PAICS: variants seen among roughly 807,000 people sequenced by gnomAD.
PAICS encodes phosphoribosylaminoimidazole carboxylase and phosphoribosylaminoimidazolesuccinocarboxamide synthase.
A neutral mutation model predicts 53.7 loss-of-function variants in PAICS; 33 were observed. The ratio of observed to expected loss-of-function variants is 0.61; its 90% confidence interval spans 0.47 to 0.82. The LOEUF is 0.82. PAICS is among the 40% of genes least tolerant of loss of function. PAICS has a pLI of 0.00. For missense variants in PAICS, 394 were observed against 494.1 expected (o/e 0.80, Z 1.92); for synonymous variants, 141 against 167.2 (o/e 0.84, Z 1.21).
chr4:56,413,799 A>G, the PAICS span, among the ~76,000 whole-genome samples: 6 of 152,242 alleles, frequency 3.9e-5, no homozygotes, highest in African/African-American at 1.4e-4. Flanking sequence ...TGGGAGGCTG[A>G]GACAGGAGAA....
rs200645694 is a variant in PAICS at position 56,459,528 on chromosome 4, G to A, written c.1268G>A (p.Cys423Tyr). ...CAGGCTGACAAGAAAATCAGAGAATGTAATTTATAAGAAAGAATGCCATTG... is the reference window on the plus strand; with the variant it reads ...CAGGCTGACAAGAAAATCAGAGAATATAATTTATAAGAAAGAATGCCATTG... The part of the protein sequence containing the change: ...LKQADKKIRE[C>Y]NL Residue 423 changes from cysteine to tyrosine, a missense_variant, in exon 9 of 9, where the codon TGT becomes TAT. Around this residue, in one of 3 missense-constraint regions of PAICS, gnomAD observed 95 missense variants for 89.3 expected, o/e 1.06. Transcript: ENST00000512576. 3.9e-5 allele frequency: 61 copies of A among 1,550,418 alleles called. No individual in the cohort carries two copies. Among genetic ancestry groups the A allele is most frequent in the Non-Finnish European group, 2.0e-5 (23 of 1,138,062 alleles).
the PAICS span, among the ~76,000 whole-genome samples, chr4:56,412,578 C>G: frequency 6.6e-6 from 1 of 152,170 alleles, no homozygotes; most frequent in East Asian, 1.9e-4. Context: ...AGGCACGATC[C>G]ACCACATCTA....
At chr4:56,435,393 C>A (rs1188016425), upstream of PAICS, 1 of 1,613,844 alleles carries the variant, frequency 6.2e-7, no homozygotes, top group Admixed American at 1.7e-5. Context: ...ACATGCGGTA[C>A]ATCCAGCTGC....
chr4:56,417,835 G>GTTTTTTTTTTTTTTTTTTTTT, the PAICS span, among the ~76,000 whole-genome samples: 16 of 102,570 alleles, frequency 1.6e-4, no homozygotes, highest in African/African-American at 4.9e-4. Flanking sequence ...TGAAGATTTG[G>GTTTTTTTTTTTTTTTTTTTTT]TTTTTTGTTT....
intron 2 of PAICS, among the ~76,000 whole-genome samples, chr4:56,444,415 T>C (rs1390468756): frequency 6.6e-6 from 1 of 152,100 alleles, no homozygotes; most frequent in Non-Finnish European, 1.5e-5. Flanking sequence ...GTAATACTAG[T>C]ATATGAAGAA....
chr4:56,454,864 T>C (rs1378818228), intron 8 of PAICS, among the ~76,000 whole-genome samples: 1 of 152,072 alleles, frequency 6.6e-6, no homozygotes, highest in Non-Finnish European at 1.5e-5. Context: ...TATTCTTAAA[T>C]ATTGGGGATA....
At chr4:56,436,048 A>G (rs1717915545), upstream of PAICS, 1 of 1,512,602 alleles carries the variant, frequency 6.6e-7, no homozygotes, top group Non-Finnish European at 8.9e-7. Context: ...GCACTGCGCC[A>G]GCGCGGGGCG....
At chr4:56,434,414 G>A (rs367907184), upstream of PAICS, among the ~76,000 whole-genome samples, 82 of 152,294 alleles carry the variant, frequency 5.4e-4, no homozygotes, top group Middle Eastern at 3.4e-3. Context: ...TATGGAAACT[G>A]TAATACTTTC....
the PAICS span, among the ~76,000 whole-genome samples, chr4:56,418,036 A>C: frequency 6.6e-6 from 1 of 151,940 alleles, no homozygotes; most frequent in African/African-American, 2.4e-5. Flanking sequence ...ACAGGGTTTC[A>C]CCATGTTGGC....
the PAICS span, among the ~76,000 whole-genome samples, chr4:56,423,850 AC>A: frequency 6.6e-6 from 1 of 152,202 alleles, no homozygotes; most frequent in African/African-American, 2.4e-5. Flanking sequence ...AAAAACTTAA[AC>A]AGGCAAGGAT....
At chr4:56,418,164 G>C in the PAICS span, among the ~76,000 whole-genome samples, 8 of 151,946 alleles carry the variant, frequency 5.3e-5, no homozygotes, top group Non-Finnish European at 8.8e-5. Flanking sequence ...CAAACAAAAT[G>C]TTAATGTCAT....
At chr4:56,458,837 T>C (rs963944608) in intron 8 of PAICS, among the ~76,000 whole-genome samples, 1 of 152,236 alleles carries the variant, frequency 6.6e-6, no homozygotes, top group Non-Finnish European at 1.5e-5. Flanking sequence ...TTTATTCTGC[T>C]GTCTTGGATC....
chr4:56,449,805 CAAAA>C (rs753536092), intron 5 of PAICS, among the ~76,000 whole-genome samples: 3 of 92,606 alleles, frequency 3.2e-5, no homozygotes, highest in East Asian at 2.9e-4. Context: ...AACCTTGTCT[CAAAA>C]AAAAAAAAAA....
intron 2 of PAICS, among the ~76,000 whole-genome samples, chr4:56,442,872 G>C (rs1470568389): frequency 6.6e-6 from 1 of 152,136 alleles, no homozygotes; most frequent in Non-Finnish European, 1.5e-5. Context: ...TACATTGTCA[G>C]TGCATTCTTG....
intron 1 of PAICS, among the ~76,000 whole-genome samples, chr4:56,437,118 G>A (rs960045824): frequency 2.0e-5 from 3 of 151,152 alleles, no homozygotes; most frequent in African/African-American, 4.9e-5. Context: ...AGCTTGGGGT[G>A]TGTGTACGTG....
intron 1 of PAICS, 153 bp downstream of exon 1, chr4:56,436,481 G>T (rs2110076829): frequency 1.4e-6 from 1 of 733,072 alleles, no homozygotes; most frequent in African/African-American, 1.7e-5. Context: ...GCGCTCCCGG[G>T]CCTCCCCGAA....
chr4:56,429,232 A>G, the PAICS span, among the ~76,000 whole-genome samples: 7 of 152,224 alleles, frequency 4.6e-5, no homozygotes, highest in East Asian at 1.3e-3. Context: ...GAAAGAAAAA[A>G]GAGTGAGAGT....
At chr4:56,415,597 A>G in the PAICS span, among the ~76,000 whole-genome samples, 1 of 152,192 alleles carries the variant, frequency 6.6e-6, no homozygotes, top group Non-Finnish European at 1.5e-5. Context: ...TTTAATATGT[A>G]TCAATCAATA....
chr4:56,435,680 C>G, upstream of PAICS: 1 of 1,449,926 alleles, frequency 6.9e-7, no homozygotes, highest in South Asian at 1.4e-5. Flanking sequence ...CCTCCGAGTC[C>G]ACCAACGAGC....
Sources: allele counts gnomAD v4.1 joint callset (sites outside exome capture counted in the v4.1 genomes callset), GRCh38; gene constraint gnomAD v4.1.1; regional missense constraint gnomAD v4.1.1; transcripts MANE v1.5; gene names NCBI Gene and HGNC (gene_info 2026-07-23, HGNC 2026-07-21).